FUT9: variants seen among roughly 807,000 people sequenced by gnomAD.
The protein encoded by FUT9 is 4-galactosyl-N-acetylglucosaminide 3-alpha-L-fucosyltransferase 9.
In FUT9, 15 loss-of-function variants were observed where a neutral mutation model predicts 29.7. The observed-to-expected ratio is 0.51, with a 90% confidence interval of 0.34 to 0.78. The LOEUF is 0.78. Ranked by LOEUF, FUT9 falls within the 30% of genes least tolerant of loss-of-function variation. FUT9 has a pLI of 0.01. For missense variants in FUT9, 319 were observed against 425.4 expected, an observed-to-expected ratio of 0.75 and a Z score of 2.20; for synonymous variants, 169 against 153.7, an observed-to-expected ratio of 1.10 and a Z score of -0.74.
chr6:96,048,679 C>T (rs528587651), intron 1 of FUT9, among the ~76,000 whole-genome samples: 7 of 152,190 alleles, frequency 4.6e-5, no homozygotes, highest in South Asian at 2.1e-4. Flanking sequence ...GGAACGGAAG[C>T]GAAGAAAAGA....
rs1330291207 is a variant in FUT9 at position 96,206,888 on chromosome 6, ATTG to A, written c.*2657_*2659del. 2.4e-5 allele frequency: 4 copies of A among 167,016 alleles called. No individual in the cohort carries two copies. Among genetic ancestry groups the A allele is most frequent in the African/African-American group, 9.7e-5 (4 of 41,430 alleles). 10.3% of individuals were successfully genotyped at this position (167,016 alleles called of 1,614,324 possible). ...TGAAAGACCTAAAGGCAGTGTCTCT[ATTG>A]TTGACTACAAATGTAGGCTCTTTGT... is the stretch of plus-strand genomic sequence containing the variant. On this transcript the variant is annotated 3_prime_UTR_variant, in exon 3 of 3. Coordinates refer to ENST00000302103, the MANE Select transcript of FUT9 (RefSeq NM_006581.4).
intron 1 of FUT9, among the ~76,000 whole-genome samples, chr6:96,078,411 T>C (rs998789229): frequency 4.0e-5 from 3 of 74,870 alleles, no homozygotes; most frequent in African/African-American, 1.3e-4. Context: ...TAGTCTTCTT[T>C]TTTTTTTTTT....
rs1328280609 is a variant in FUT9 at position 96,214,554 on chromosome 6, A to G, written c.*10319A>G. On this transcript the variant is annotated 3_prime_UTR_variant, in exon 3 of 3. Coordinates refer to ENST00000302103, the MANE Select transcript of FUT9 (RefSeq NM_006581.4). Reference sequence around the variant, plus strand: ...ATTTGAAGCAGTCTTTGAAAATAACAAAAATTATTCCATTTAATGAAGGGT... The same window carrying G: ...ATTTGAAGCAGTCTTTGAAAATAACGAAAATTATTCCATTTAATGAAGGGT... 6.0e-6 allele frequency: 1 copy of G among 166,874 alleles called. No individual in the cohort carries two copies. Among genetic ancestry groups the G allele is most frequent in the African/African-American group, 2.4e-5 (1 of 41,458 alleles). The allele number at this position is 166,874 out of a possible 1,614,324, so 10.3% of individuals were successfully genotyped here.
intron 1 of FUT9, among the ~76,000 whole-genome samples, chr6:96,070,017 T>G (rs1164478424): frequency 1.3e-5 from 2 of 152,182 alleles, no homozygotes; most frequent in African/African-American, 4.8e-5. Context: ...TGGGCACAAT[T>G]CATGAATAAA....
intron 1 of FUT9, among the ~76,000 whole-genome samples, chr6:96,102,854 A>T (rs1158894287): frequency 1.3e-5 from 2 of 152,188 alleles, no homozygotes; most frequent in African/African-American, 4.8e-5. Context: ...GAATAGTTTA[A>T]ACTTAGTTTC....
intron 2 of FUT9, among the ~76,000 whole-genome samples, chr6:96,179,155 CCTT>C (rs1331665309): frequency 1.3e-5 from 2 of 152,064 alleles, no homozygotes; most frequent in South Asian, 2.1e-4. Context: ...GAAGATTCGT[CCTT>C]CTTCATTCCA....
intron 1 of FUT9, among the ~76,000 whole-genome samples, chr6:96,033,000 C>T (rs560609187): frequency 1.3e-5 from 2 of 151,592 alleles, no homozygotes; most frequent in South Asian, 4.1e-4. Context: ...TTTTGATTCC[C>T]GGAAAGAAGT....
chr6:96,127,575 T>G (rs1232629606), intron 2 of FUT9, among the ~76,000 whole-genome samples: 1 of 152,184 alleles, frequency 6.6e-6, no homozygotes, highest in Non-Finnish European at 1.5e-5. Context: ...ATTGCTGGGC[T>G]TAATGGTAAT....
At chr6:96,182,534 T>C (rs551363441) in intron 2 of FUT9, among the ~76,000 whole-genome samples, 4 of 152,254 alleles carry the variant, frequency 2.6e-5, no homozygotes, top group Non-Finnish European at 4.4e-5. Context: ...TGTTATCTTC[T>C]TGAATTTTTA....
At chr6:96,053,281 A>G (rs1371172139) in intron 1 of FUT9, among the ~76,000 whole-genome samples, 1 of 152,190 alleles carries the variant, frequency 6.6e-6, no homozygotes, top group Non-Finnish European at 1.5e-5. Flanking sequence ...TGTAATTTAG[A>G]AACTTTAAAT....
chr6:96,043,909 T>C (rs1171917100), intron 1 of FUT9, among the ~76,000 whole-genome samples: 1 of 152,242 alleles, frequency 6.6e-6, no homozygotes, highest in African/African-American at 2.4e-5. Context: ...TGCTAGTCTT[T>C]ACAAGTTCAG....
chr6:96,147,269 C>T (rs991240065), intron 2 of FUT9, among the ~76,000 whole-genome samples: 23 of 151,202 alleles, frequency 1.5e-4, no homozygotes, highest in African/African-American at 4.4e-4. Context: ...TCAAGCGATT[C>T]TCCTGCCTCA....
At chr6:96,094,353 T>C (rs1010853491) in intron 1 of FUT9, among the ~76,000 whole-genome samples, 2 of 152,120 alleles carry the variant, frequency 1.3e-5, no homozygotes, top group East Asian at 1.9e-4. Context: ...GTAACCTTTC[T>C]TTTACTTAAT....
intron 1 of FUT9, among the ~76,000 whole-genome samples, chr6:96,046,144 C>T (rs1037685639): frequency 7.1e-5 from 6 of 84,210 alleles, no homozygotes; most frequent in Middle Eastern, 5.3e-3. Flanking sequence ...CAGTGTCTTT[C>T]AAAGTTGTTT....
chr6:96,017,531 G>A (rs1562097549), intron 1 of FUT9, among the ~76,000 whole-genome samples: 2 of 152,042 alleles, frequency 1.3e-5, no homozygotes, highest in Non-Finnish European at 1.5e-5. Context: ...CTCATGTATT[G>A]AAATCTTAAA....
At chr6:96,191,255 C>A (rs1172990567) in intron 2 of FUT9, among the ~76,000 whole-genome samples, 1 of 151,980 alleles carries the variant, frequency 6.6e-6, no homozygotes, top group Non-Finnish European at 1.5e-5. Context: ...GAAATAGAGA[C>A]ACAAAAAACC....
chr6:96,032,265 G>T (rs1289736311), intron 1 of FUT9, among the ~76,000 whole-genome samples: 4 of 151,556 alleles, frequency 2.6e-5, no homozygotes, highest in Non-Finnish European at 4.4e-5. Context: ...TTTAATGGCT[G>T]CTAGGAAGCT....
intron 1 of FUT9, among the ~76,000 whole-genome samples, chr6:96,065,124 T>C (rs982104466): frequency 2.6e-5 from 4 of 152,142 alleles, no homozygotes; most frequent in African/African-American, 4.8e-5. Context: ...GAAGAGTTAC[T>C]AGTGTCACGT....
rs1435365720 is a variant in FUT9, at chr6:96,214,042, C to A, written c.*9807C>A. ...CATTTGGTAAAGTGAAAATGTTATT[C>A]ATAGTGCTAATGAGCCAATAAACAA... is the stretch of plus-strand genomic sequence containing the variant. On this transcript the variant is annotated 3_prime_UTR_variant, in exon 3 of 3. Coordinates refer to ENST00000302103, the MANE Select transcript of FUT9 (RefSeq NM_006581.4). The A allele has an allele frequency of 6.0e-6, 1 of 166,900 alleles. No individual in the cohort carries two copies. Among genetic ancestry groups the A allele is most frequent in the African/African-American group, 2.4e-5 (1 of 41,416 alleles). The allele number at this position is 166,900 out of a possible 1,614,324, so 10.3% of individuals were successfully genotyped here.
Sources: gnomAD v4.1 joint callset for allele counts (sites outside exome capture counted in the v4.1 genomes callset) on GRCh38, gnomAD v4.1.1 for gene constraint, MANE v1.5 for transcripts, NCBI Gene and HGNC (gene_info 2026-07-23, HGNC 2026-07-21) for gene names.